Variants in CASQ2 observed in about 807,000 individuals in gnomAD.
CASQ2 encodes the protein calsequestrin-2.
Under a neutral mutation model 46.5 loss-of-function variants are expected in CASQ2, and 49 were observed. The observed-to-expected ratio is 1.05, with a 90% CI of 0.84 to 1.34. The LOEUF (loss-of-function observed/expected upper bound fraction) is 1.34, where lower values mean the gene tolerates loss of function less well. Among genes scored for constraint, CASQ2 ranks in the 40% most tolerant of loss-of-function variants. The probability of loss-of-function intolerance (pLI) is 0.00; values close to 1 mark genes in which losing one functional copy is unlikely to be tolerated. For missense variants in CASQ2, 486 were observed against 481.3 expected (o/e 1.01, Z -0.09); for synonymous variants, 174 against 168.5 (o/e 1.03, Z -0.25).
intron 8 of CASQ2, among the ~76,000 whole-genome samples, chr1:115,717,392 G>A (rs1014981477): frequency 1.4e-4 from 22 of 152,096 alleles, no homozygotes; most frequent in African/African-American, 4.6e-4. Flanking sequence ...ACATCCTCAC[G>A]ATTTCATCCC....
chr1:115,733,122 T>C, intron 4 of CASQ2, 148 bp from the exon 5 acceptor site: 1 of 580,194 alleles, frequency 1.7e-6, no homozygotes, highest in Non-Finnish European at 3.0e-6. Flanking sequence ...TGTTATTTAA[T>C]ATTATTTAAG....
At chr1:115,721,280 A>G (rs914036340) in intron 7 of CASQ2, among the ~76,000 whole-genome samples, 23 of 152,152 alleles carry the variant, frequency 1.5e-4, no homozygotes, top group Non-Finnish European at 2.6e-4. Context: ...TCCAGGGGGA[A>G]TGACAGATCA....
rs202228431 is a variant in CASQ2, at chr1:115,738,353, C to G, written c.421-18G>C. Reference sequence around the variant, plus strand: ...TCAATTAGCTGAAATGCCACACGCACATACACACATGTTCAAACAAGAGAT... The same window carrying G: ...TCAATTAGCTGAAATGCCACACGCAGATACACACATGTTCAAACAAGAGAT... On this transcript the variant is annotated intron_variant, in intron 3 of 10. Transcript: ENST00000261448. The G allele has an allele frequency of 6.9e-5, 96 of 1,390,716 alleles. 1 individual carries two copies. In the East Asian group the frequency reaches 2.1e-3, roughly 30 times the overall value. 86.1% of individuals were successfully genotyped at this position (1,390,716 alleles called of 1,614,324 possible). A position where few individuals can be genotyped will look rare whatever the true frequency, so the allele number is the denominator to read the frequency against.
chr1:115,766,904 T>C (rs936405250), intron 1 of CASQ2, among the ~76,000 whole-genome samples: 2 of 150,018 alleles, frequency 1.3e-5, no homozygotes, highest in Non-Finnish European at 3.0e-5. Context: ...GATAGATAGA[T>C]AGATAGATAG....
rs12067472 is a variant in CASQ2 at position 115,768,562 on chromosome 1, C to T, written c.-21G>A. 4,291 of 1,519,058 alleles carry T rather than the reference C, an allele frequency of 2.8e-3. 124 individuals are homozygous for T. The African/African-American group carries it at 0.051, about 18-fold the overall frequency. The allele number at this position is 1,519,058 out of a possible 1,614,324, so 94.1% of individuals were successfully genotyped here. On this transcript the variant is annotated 5_prime_UTR_variant, in exon 1 of 11. Coordinates refer to ENST00000261448, the MANE Select transcript of CASQ2 (RefSeq NM_001232.4). ...TTCATTTGGGAAAACTTTTGTTTCT[C>T]GTTCCCAAATATGCTGTGTGCAGAA...
chr1:115,758,666 G>T (rs1224328126), intron 1 of CASQ2, among the ~76,000 whole-genome samples: 1 of 152,170 alleles, frequency 6.6e-6, no homozygotes, highest in Non-Finnish European at 1.5e-5. Flanking sequence ...CACTCTATTA[G>T]TTCCTGCTAG....
At chr1:115,743,053 G>T (rs1484961012) in intron 2 of CASQ2, among the ~76,000 whole-genome samples, 1 of 152,074 alleles carries the variant, frequency 6.6e-6, no homozygotes, top group Non-Finnish European at 1.5e-5. Context: ...CTCCCAAAGT[G>T]CTGGGATTAC....
At chr1:115,702,425 G>A (rs944127042) in intron 10 of CASQ2, among the ~76,000 whole-genome samples, 2 of 152,084 alleles carry the variant, frequency 1.3e-5, no homozygotes, top group African/African-American at 2.4e-5. Context: ...TCCCACCCTC[G>A]GTTCAACAAT....
At chr1:115,717,482 C>T (rs1438984678) in intron 8 of CASQ2, among the ~76,000 whole-genome samples, 1 of 152,186 alleles carries the variant, frequency 6.6e-6, no homozygotes, top group African/African-American at 2.4e-5. Context: ...GCCCAGAACC[C>T]CTTGAAGAAT....
intron 2 of CASQ2, among the ~76,000 whole-genome samples, chr1:115,743,766 A>T (rs376146965): frequency 6.7e-6 from 1 of 149,056 alleles, no homozygotes; most frequent in African/African-American, 2.5e-5. Context: ...ATAACCCGCT[A>T]TTTTTTTTAA....
At chr1:115,745,013 A>C in intron 1 of CASQ2, 101 bp from the exon 2 acceptor site, 1 of 839,918 alleles carries the variant, frequency 1.2e-6, no homozygotes. Flanking sequence ...GGTTTCCTCT[A>C]TACTTGCTGT....
At chr1:115,766,865 T>TGATA (rs58728885) in intron 1 of CASQ2, among the ~76,000 whole-genome samples, 33,097 of 144,802 alleles carry the variant, frequency 0.23, 3,768 homozygotes, top group East Asian at 0.28. Context: ...GAGCTAGAGA[T>TGATA]GATAGATAGA....
In CASQ2 at chr1:115,740,793, C is replaced by T. The variant is rs1648148540; in HGVS notation, c.355G>A (p.Gly119Ser). 5 of 1,613,372 alleles carry T rather than the reference C, an allele frequency of 3.1e-6. No homozygotes were observed. The highest frequency in any genetic ancestry group is 4.2e-6 in the Non-Finnish European group (5 of 1,179,608). ...CCATCAAACTCTATTGTGCGATCAC[C>T]CTTAAGAATATACAGGCTTCCTTCT... ...DEEGSLYILK[G>S]DRTIEFDGEF... Residue 119 changes from glycine to serine, a missense_variant, in exon 3 of 11, where the codon GGT (glycine) becomes AGT (serine). Transcript: ENST00000261448.
chr1:115,715,278 G>A (rs1260020181), intron 8 of CASQ2, among the ~76,000 whole-genome samples: 1 of 152,204 alleles, frequency 6.6e-6, no homozygotes, highest in Non-Finnish European at 1.5e-5. Context: ...TTCTTGAGAG[G>A]TGGAGACAAG....
intron 8 of CASQ2, among the ~76,000 whole-genome samples, chr1:115,717,168 C>T (rs1245337361): frequency 2.0e-5 from 3 of 152,202 alleles, no homozygotes; most frequent in Non-Finnish European, 4.4e-5. Context: ...GCCCTGTTTC[C>T]TGTACAACCT....
intron 7 of CASQ2, among the ~76,000 whole-genome samples, chr1:115,724,867 C>T (rs970326126): frequency 6.6e-6 from 1 of 152,112 alleles, no homozygotes; most frequent in Admixed American, 6.5e-5. Flanking sequence ...GGACTTGAAC[C>T]CTAGTCTCTA....
chr1:115,736,494 A>G (rs563756305), intron 4 of CASQ2, among the ~76,000 whole-genome samples: 1 of 151,878 alleles, frequency 6.6e-6, no homozygotes, highest in South Asian at 2.1e-4. Flanking sequence ...AAAATTAGCC[A>G]GGCGTGGTGG....
At chr1:115,743,793 G>A (rs549730760) in intron 2 of CASQ2, among the ~76,000 whole-genome samples, 81 of 151,014 alleles carry the variant, frequency 5.4e-4, no homozygotes, top group Non-Finnish European at 9.3e-4. Flanking sequence ...TTCTTCACTG[G>A]TCATGCAGAA....
chr1:115,723,010 T>C (rs1647434932), intron 7 of CASQ2, among the ~76,000 whole-genome samples: 1 of 152,078 alleles, frequency 6.6e-6, no homozygotes, highest in Admixed American at 6.5e-5. Flanking sequence ...ATGGTGCCAC[T>C]GTACTCCAGC....
Sources: gnomAD v4.1 joint callset for allele counts (sites outside exome capture counted in the v4.1 genomes callset) on GRCh38, gnomAD v4.1.1 for gene constraint, MANE v1.5 for transcripts, NCBI Gene and HGNC (gene_info 2026-07-23, HGNC 2026-07-21) for gene names.